HDDC2: variants seen among roughly 807,000 people sequenced by gnomAD.
HDDC2 encodes 5'-deoxynucleotidase HDDC2.
HDDC2 carries 25 observed loss-of-function variants against 25.5 expected under a neutral mutation model. That is an observed-to-expected ratio of 0.98 (90% CI 0.72 to 1.37). The LOEUF is 1.37. HDDC2 is among the 40% of genes most tolerant of loss of function. The pLI, the probability that HDDC2 is intolerant of heterozygous loss-of-function variation, is 0.00. For synonymous variants in HDDC2, 106 were observed against 89.7 expected, an observed-to-expected ratio of 1.18 and a Z score of -1.03; for missense variants, 264 against 253.1, an observed-to-expected ratio of 1.04 and a Z score of -0.29.
At chr6:125,283,821 A>G (rs1798494427) in intron 4 of HDDC2, among the ~76,000 whole-genome samples, 1 of 152,186 alleles carries the variant, frequency 6.6e-6, no homozygotes, top group Non-Finnish European at 1.5e-5. Context: ...ACTACTTTAA[A>G]TTTCATATGG....
At chr6:125,284,981 C>T (rs565758197) in intron 4 of HDDC2, among the ~76,000 whole-genome samples, 29 of 152,074 alleles carry the variant, frequency 1.9e-4, no homozygotes, top group South Asian at 1.2e-3. Context: ...ATACTATGAA[C>T]GCATAAAAAA....
intron 3 of HDDC2, among the ~76,000 whole-genome samples, chr6:125,294,054 T>C (rs1384449532): frequency 1.3e-5 from 2 of 152,238 alleles, no homozygotes; most frequent in African/African-American, 2.4e-5. Context: ...ATCCTTCCTT[T>C]ATTTCTGAAT....
At chr6:125,290,770 G>C (rs951481863) in intron 4 of HDDC2, among the ~76,000 whole-genome samples, 1 of 152,168 alleles carries the variant, frequency 6.6e-6, no homozygotes, top group Non-Finnish European at 1.5e-5. Context: ...TCTTTATCAG[G>C]CTTCATTAAT....
intron 4 of HDDC2, among the ~76,000 whole-genome samples, chr6:125,280,553 G>A (rs1030419413): frequency 6.6e-6 from 1 of 152,226 alleles, no homozygotes; most frequent in Non-Finnish European, 1.5e-5. Context: ...CTTGGTAGGG[G>A]GAGGGGCGTC....
At chr6:125,298,071 C>A (rs772584480) in intron 3 of HDDC2, among the ~76,000 whole-genome samples, 17 of 152,006 alleles carry the variant, frequency 1.1e-4, no homozygotes, top group Non-Finnish European at 2.1e-4. Flanking sequence ...CATTTAAATT[C>A]CAGCTATTTT....
In HDDC2 at chr6:125,300,425, T is replaced by G. The variant is rs1798777670; in HGVS notation, c.206+113A>C. 18 of 1,293,332 alleles carry G rather than the reference T, an allele frequency of 1.4e-5. 1 individual carries two copies. The South Asian group carries it at 2.4e-4, about 17-fold the overall frequency. 80.1% of individuals were successfully genotyped at this position (1,293,332 alleles called of 1,614,324 possible). A position where few individuals can be genotyped will look rare whatever the true frequency, so the allele number is the denominator to read the frequency against. ...TTGTATGGTTTGCTTCAAATAATTT[T>G]TCTTGACCTATAAACTAACCTACAA... On this transcript the variant is annotated intron_variant, in intron 2 of 5. Transcript: ENST00000398153.
intron 4 of HDDC2, chr6:125,278,932 A>T (rs1798413816): frequency 6.6e-6 from 1 of 152,240 alleles, no homozygotes. Flanking sequence ...TCATGATAAA[A>T]TAGTGAGCAA....
At chr6:125,287,465 G>A (rs1477018806) in intron 4 of HDDC2, among the ~76,000 whole-genome samples, 2 of 152,128 alleles carry the variant, frequency 1.3e-5, no homozygotes, top group Admixed American at 6.5e-5. Flanking sequence ...CCTTTTGCAT[G>A]GTTTTGAGTA....
chr6:125,289,032 G>A (rs1798587518), intron 4 of HDDC2, among the ~76,000 whole-genome samples: 2 of 111,074 alleles, frequency 1.8e-5, no homozygotes, highest in South Asian at 2.6e-4. Context: ...ACATGCACAC[G>A]TATGTTTATT....
chr6:125,279,049 C>T (rs950233757), intron 4 of HDDC2: 2 of 152,140 alleles, frequency 1.3e-5, no homozygotes, highest in Non-Finnish European at 2.9e-5. Flanking sequence ...CAAGTAGAGA[C>T]AAACCACCTC....
chr6:125,284,838 C>A (rs1798507758), intron 4 of HDDC2, among the ~76,000 whole-genome samples: 2 of 152,338 alleles, frequency 1.3e-5, no homozygotes, highest in South Asian at 4.1e-4. Context: ...GATTATAAAT[C>A]ATTCTGCTAT....
chr6:125,291,415 C>T (rs930935010), intron 4 of HDDC2, among the ~76,000 whole-genome samples: 1 of 152,104 alleles, frequency 6.6e-6, no homozygotes, highest in African/African-American at 2.4e-5. Flanking sequence ...TAATATGGTA[C>T]ATATGGTGTA....
chr6:125,277,398 C>T (rs1026280821), intron 4 of HDDC2, 158 bp from the exon 5 acceptor site: 8 of 645,282 alleles, frequency 1.2e-5, no homozygotes, highest in Middle Eastern at 3.3e-4. Context: ...AGAGACACTT[C>T]TGTAATTTCA....
Position 125,276,257 on chromosome 6 carries a change from G to A in HDDC2, c.518-14C>T, listed in dbSNP as rs1798367930. ...GATTGAATTTTCCTGCAAAGCAAAA[G>A]AACAGGGAAAAATACATTCCCATAT... On this transcript the variant is annotated splice_polypyrimidine_tract_variant and intron_variant, in intron 5 of 5. Transcript: ENST00000398153. 1 of 1,591,776 alleles carries A rather than the reference G, an allele frequency of 6.3e-7. No homozygotes were observed.
chr6:125,294,672 G>A (rs1009049012), intron 3 of HDDC2, among the ~76,000 whole-genome samples: 9 of 152,118 alleles, frequency 5.9e-5, no homozygotes, highest in Non-Finnish European at 2.9e-5. Context: ...AAACATGAAA[G>A]TCCTGCTCTG....
intron 3 of HDDC2, among the ~76,000 whole-genome samples, chr6:125,296,755 C>G (rs976007988): frequency 6.6e-6 from 1 of 152,186 alleles, no homozygotes; most frequent in African/African-American, 2.4e-5. Context: ...TTCATCAAAG[C>G]CAGGATATAG....
At chr6:125,295,177 T>A (rs1798691161) in intron 3 of HDDC2, among the ~76,000 whole-genome samples, 1 of 152,206 alleles carries the variant, frequency 6.6e-6, no homozygotes, top group South Asian at 2.1e-4. Flanking sequence ...ACACTTCCAC[T>A]TCTATACTGA....
rs1301721998 is a variant in HDDC2, at chr6:125,289,506, A to G, written c.378+3335T>C. 4.4e-3 allele frequency among the ~76,000 whole-genome samples: 425 copies of G among 96,942 alleles called. 6 individuals are homozygous for G. Among genetic ancestry groups the G allele is most frequent in the African/African-American group, 0.025 (411 of 16,654 alleles). The allele number at this position is 96,942 out of a possible 152,430, so 63.6% of individuals were successfully genotyped here. On this transcript the variant is annotated intron_variant, in intron 4 of 5. Coordinates refer to ENST00000398153, the MANE Select transcript of HDDC2 (RefSeq NM_016063.3). ...TAAAAAAAAAAAAATTAAAAAAAAC[A>G]AAACAAAACAAAAAAAACAAAAAAA... is the stretch of plus-strand genomic sequence containing the variant.
intron 1 of HDDC2, 136 bp from the exon 2 acceptor site, chr6:125,300,795 A>G (rs900537221): frequency 6.3e-6 from 5 of 793,424 alleles, no homozygotes; most frequent in Non-Finnish European, 9.6e-6. Flanking sequence ...ATGTTTTGCT[A>G]AACTAGCTAA....
Sources: allele counts gnomAD v4.1 joint callset (sites outside exome capture counted in the v4.1 genomes callset), GRCh38; gene constraint gnomAD v4.1.1; transcripts MANE v1.5; gene names NCBI Gene and HGNC (gene_info 2026-07-23, HGNC 2026-07-21).